Variants in CRB1 observed in about 807,000 individuals in gnomAD.
CRB1 encodes protein crumbs homolog 1.
In CRB1, 83 loss-of-function variants were observed where a neutral mutation model predicts 120.0. The observed-to-expected ratio is 0.69, with a 90% confidence interval of 0.58 to 0.83. The LOEUF (loss-of-function observed/expected upper bound fraction) is 0.83, where lower values mean the gene tolerates loss of function less well. Among genes scored for constraint, CRB1 ranks in the 40% least tolerant of loss-of-function variants. CRB1 has a pLI of 0.00. For synonymous variants in CRB1, 625 were observed against 612.5 expected, an observed-to-expected ratio of 1.02 and a Z score of -0.30; for missense variants, 1,699 against 1,687.6, an observed-to-expected ratio of 1.01 and a Z score of -0.12.
the CRB1 span, among the ~76,000 whole-genome samples, chr1:197,206,634 A>G: frequency 1.3e-5 from 2 of 152,050 alleles, no homozygotes. Flanking sequence ...GTTTTCTTAA[A>G]TTTATTGAGA....
chr1:197,217,867 T>C, the CRB1 span, among the ~76,000 whole-genome samples: 1 of 152,192 alleles, frequency 6.6e-6, no homozygotes, highest in Non-Finnish European at 1.5e-5. Flanking sequence ...AGAAAAATAC[T>C]TATGTAATAA....
chr1:197,476,053 GCACC>G (rs1667182898), intron 11 of CRB1, among the ~76,000 whole-genome samples: 1 of 151,834 alleles, frequency 6.6e-6, no homozygotes, highest in Admixed American at 6.6e-5. Flanking sequence ...GGGATTACAG[GCACC>G]CACCACCATG....
Position 197,421,134 on chromosome 1 carries a change from A to C in CRB1, c.1306A>C (p.Arg436=). 1.9e-6 allele frequency: 3 copies of C among 1,614,176 alleles called. No individual in the cohort carries two copies. The highest frequency in any genetic ancestry group is 2.5e-6 in the Non-Finnish European group (3 of 1,179,988). The change falls in exon 6 of 12, where the codon AGG becomes CGG. Residue 436 remains arginine, a synonymous_variant. Coordinates refer to ENST00000367400, the MANE Select transcript of CRB1 (RefSeq NM_201253.3). ...CCTTTCTAGAACTTTTTATGGAGGA[A>C]GGGACTGTTCTGATATTCTCCTGGG... The part of the protein sequence containing the change: ...DNLSRTFYGG[R]DCSDILLGCT...
chr1:197,276,044 G>A (rs2125208726), intron 1 of CRB1, among the ~76,000 whole-genome samples: 1 of 151,932 alleles, frequency 6.6e-6, no homozygotes, highest in Middle Eastern at 3.4e-3. Flanking sequence ...TTAATAAAAA[G>A]TAGTGATTCC....
chr1:197,360,684 T>C, intron 5 of CRB1, among the ~76,000 whole-genome samples: 1 of 152,246 alleles, frequency 6.6e-6, no homozygotes, highest in East Asian at 1.9e-4. Context: ...TTAACTCACC[T>C]ATGAGATCTA....
intron 5 of CRB1, among the ~76,000 whole-genome samples, chr1:197,415,757 C>T (rs569506101): frequency 1.2e-3 from 185 of 150,834 alleles, no homozygotes; most frequent in Middle Eastern, 0.01. Context: ...ATTCTCCTGC[C>T]TCAGCCTCCT....
At chr1:197,310,742 A>G (rs924870892) in intron 1 of CRB1, among the ~76,000 whole-genome samples, 7 of 152,176 alleles carry the variant, frequency 4.6e-5, no homozygotes, top group South Asian at 2.1e-4. Flanking sequence ...CCATATTTGC[A>G]TAGTCATATT....
the CRB1 span, among the ~76,000 whole-genome samples, chr1:197,206,792 T>G: frequency 3.2e-4 from 49 of 152,212 alleles, no homozygotes; most frequent in Middle Eastern, 6.8e-3. Flanking sequence ...TTTCTTTGTT[T>G]AATTTCTGTC....
intron 11 of CRB1, among the ~76,000 whole-genome samples, chr1:197,462,457 A>G (rs1237637148): frequency 6.6e-6 from 1 of 152,126 alleles, no homozygotes; most frequent in Non-Finnish European, 1.5e-5. Flanking sequence ...AAGTTCCCCT[A>G]TGCTTCTGGA....
intron 1 of CRB1, among the ~76,000 whole-genome samples, chr1:197,296,247 C>T (rs1055625227): frequency 2.6e-5 from 4 of 152,160 alleles, no homozygotes; most frequent in Non-Finnish European, 5.9e-5. Flanking sequence ...ATTCTATCTC[C>T]ACTACTTACC....
chr1:197,213,754 A>G, the CRB1 span, among the ~76,000 whole-genome samples: 64 of 152,316 alleles, frequency 4.2e-4, no homozygotes, highest in African/African-American at 1.5e-3. Flanking sequence ...CAAACATATG[A>G]AGATTAAGCA....
At chr1:197,352,556 G>A (rs1053647591) in intron 4 of CRB1, among the ~76,000 whole-genome samples, 1 of 152,018 alleles carries the variant, frequency 6.6e-6, no homozygotes, top group Non-Finnish European at 1.5e-5. Context: ...TGTATTTGAA[G>A]AACCTTAAGT....
At chr1:197,276,154 T>C (rs1436361029) in intron 1 of CRB1, among the ~76,000 whole-genome samples, 3 of 152,022 alleles carry the variant, frequency 2.0e-5, no homozygotes, top group African/African-American at 7.2e-5. Flanking sequence ...GGCAGTGTAC[T>C]TTTAATAATA....
At chr1:197,247,485 G>T in the CRB1 span, among the ~76,000 whole-genome samples, 1 of 151,964 alleles carries the variant, frequency 6.6e-6, no homozygotes, top group Admixed American at 6.6e-5. Flanking sequence ...CCTTTCAAGG[G>T]CACTTAGCAG....
At chr1:197,225,210 A>C in the CRB1 span, among the ~76,000 whole-genome samples, 2 of 151,782 alleles carry the variant, frequency 1.3e-5, no homozygotes, top group African/African-American at 4.8e-5. Flanking sequence ...TTTAATCACT[A>C]TTCTACAGCT....
chr1:197,368,211 T>A (rs918681648), intron 5 of CRB1, among the ~76,000 whole-genome samples: 1 of 152,176 alleles, frequency 6.6e-6, no homozygotes, highest in Non-Finnish European at 1.5e-5. Context: ...AAATGCACTT[T>A]TTTTTCTTAC....
At chr1:197,457,006 C>G (rs557621330) in intron 11 of CRB1, among the ~76,000 whole-genome samples, 1 of 152,144 alleles carries the variant, frequency 6.6e-6, no homozygotes, top group East Asian at 1.9e-4. Context: ...AAGAGTTGAC[C>G]ACTGCTGCAA....
chr1:197,341,883 C>G (rs1659482741), intron 2 of CRB1, among the ~76,000 whole-genome samples: 1 of 152,260 alleles, frequency 6.6e-6, no homozygotes, highest in South Asian at 2.1e-4. Context: ...CATGAGTCCA[C>G]TAGTGGGACA....
chr1:197,354,263 A>G (rs971786907), intron 4 of CRB1, among the ~76,000 whole-genome samples: 1 of 152,242 alleles, frequency 6.6e-6, no homozygotes, highest in Non-Finnish European at 1.5e-5. Flanking sequence ...TACATTACTT[A>G]TGACCCACAA....
Sources: gnomAD v4.1 joint callset for allele counts (sites outside exome capture counted in the v4.1 genomes callset) on GRCh38, gnomAD v4.1.1 for gene constraint, MANE v1.5 for transcripts, NCBI Gene and HGNC (gene_info 2026-07-23, HGNC 2026-07-21) for gene names.